DPY19L1: variants seen among roughly 807,000 people sequenced by gnomAD.
DPY19L1 encodes protein C-mannosyl-transferase DPY19L1.
DPY19L1 carries 35 observed loss-of-function variants against 96.9 expected under a neutral mutation model. The ratio of observed to expected loss-of-function variants is 0.36; its 90% CI spans 0.28 to 0.48. The LOEUF (loss-of-function observed/expected upper bound fraction) is 0.48. Ranked by LOEUF, DPY19L1 falls within the 20% of genes least tolerant of loss-of-function variation. The pLI is 0.99. For synonymous variants in DPY19L1, 205 were observed against 252.6 expected (o/e 0.81, Z 1.79); for missense variants, 521 against 777.9 (o/e 0.67, Z 3.93).
Position 35,032,938 on chromosome 7 carries a change from G to C in DPY19L1, c.298+4159C>G, listed in dbSNP as rs532166021. Among the ~76,000 whole-genome samples the C allele has an allele frequency of 7.9e-5, 12 of 152,168 alleles. No homozygotes were observed. In the South Asian group the frequency reaches 2.5e-3, roughly 32 times the overall value. Reference sequence around the variant, plus strand: ...CTTCATCTAGGCCAGCAACCCTCTTGCTAGGTCCGTGAACAGCCTCCTCAT... The same window carrying C: ...CTTCATCTAGGCCAGCAACCCTCTTCCTAGGTCCGTGAACAGCCTCCTCAT... On this transcript the variant is annotated intron_variant, in intron 1 of 21. Transcript: ENST00000638088.
intron 10 of DPY19L1, among the ~76,000 whole-genome samples, chr7:34,961,005 A>G (rs1305261374): frequency 6.6e-6 from 1 of 152,202 alleles, no homozygotes; most frequent in East Asian, 1.9e-4. Flanking sequence ...CAAAACTTCA[A>G]TGAAACTAAT....
Position 34,963,110 on chromosome 7 carries a change from G to A in DPY19L1, c.1092+3784C>T, listed in dbSNP as rs1330085126. 6.0e-5 allele frequency among the ~76,000 whole-genome samples: 9 copies of A among 149,002 alleles called. No homozygotes were observed. The South Asian group carries it at 8.5e-4, about 14-fold the overall frequency. On this transcript the variant is annotated intron_variant, in intron 10 of 21. Coordinates refer to ENST00000638088, the MANE Select transcript of DPY19L1 (RefSeq NM_001366673.1). ...CTCGGAAGGCTGAGGCAGGAGAATC[G>A]CTTGAACCCGGGAGGCGGAGGTTGC...
chr7:35,037,652 C>A (rs534644467), upstream of DPY19L1: 762 of 235,082 alleles, frequency 3.2e-3, 1 homozygote, highest in Admixed American at 6.6e-3. Context: ...GTTGTCACGG[C>A]GACCGCGGAA....
chr7:34,946,811 T>G (rs1335972645), intron 15 of DPY19L1, among the ~76,000 whole-genome samples: 1 of 152,222 alleles, frequency 6.6e-6, no homozygotes, highest in African/African-American at 2.4e-5. Context: ...TTCTGTATGT[T>G]AAAATGGAGA....
intron 16 of DPY19L1, among the ~76,000 whole-genome samples, chr7:34,944,512 A>ATT (rs1390977035): frequency 6.6e-6 from 1 of 152,164 alleles, no homozygotes; most frequent in African/African-American, 2.4e-5. Flanking sequence ...CACTCTTAAT[A>ATT]ATTACAGGAT....
intron 10 of DPY19L1, among the ~76,000 whole-genome samples, chr7:34,963,743 A>G (rs1455507453): frequency 6.6e-6 from 1 of 151,966 alleles, no homozygotes; most frequent in East Asian, 1.9e-4. Flanking sequence ...CACACCATGG[A>G]CTATTATTTA....
At chr7:34,996,681 T>A (rs930326901) in intron 6 of DPY19L1, among the ~76,000 whole-genome samples, 25 of 151,874 alleles carry the variant, frequency 1.6e-4, no homozygotes, top group Non-Finnish European at 2.2e-4. Context: ...CCAATCCCAC[T>A]CCATGCACAC....
At chr7:34,955,484 T>G in intron 11 of DPY19L1, 117 bp from the exon 12 acceptor site, 1 of 1,337,636 alleles carries the variant, frequency 7.5e-7, no homozygotes, top group Non-Finnish European at 1.0e-6. Flanking sequence ...AGCACATGGT[T>G]GACTTTCCAC....
intron 1 of DPY19L1, among the ~76,000 whole-genome samples, chr7:35,033,773 T>C (rs894400582): frequency 1.1e-4 from 17 of 152,016 alleles, no homozygotes; most frequent in African/African-American, 3.1e-4. Flanking sequence ...TTTCCTACCA[T>C]ATGGGCTTCA....
intron 21 of DPY19L1, among the ~76,000 whole-genome samples, chr7:34,933,190 T>C (rs531250882): frequency 6.6e-6 from 1 of 152,306 alleles, no homozygotes; most frequent in South Asian, 2.1e-4. Flanking sequence ...TGGTTTTTGG[T>C]TACACGGATA....
intron 1 of DPY19L1, among the ~76,000 whole-genome samples, chr7:35,030,530 C>T (rs1281747350): frequency 6.6e-6 from 1 of 152,102 alleles, no homozygotes; most frequent in East Asian, 1.9e-4. Flanking sequence ...ACAATTGCTG[C>T]TTTAATAAAG....
At chr7:34,952,424 A>G (rs1324131573) in intron 13 of DPY19L1, among the ~76,000 whole-genome samples, 4 of 152,222 alleles carry the variant, frequency 2.6e-5, no homozygotes, top group African/African-American at 9.6e-5. Context: ...AGAAAGCTCC[A>G]GGCCATGAGG....
chr7:34,948,488 G>T (rs2128783878), intron 14 of DPY19L1, among the ~76,000 whole-genome samples: 1 of 152,254 alleles, frequency 6.6e-6, no homozygotes, highest in South Asian at 2.1e-4. Flanking sequence ...CTACAGCACA[G>T]TCCCTATGAA....
rs751382348 is a variant in DPY19L1 at position 34,940,237 on chromosome 7, G to A, written c.1780C>T (p.Gln594Ter). ...TCCCCTACAATATTCCACTGGGTTT[G>A]CAGATTTGCTGAACCTTGTATTGAC... Reference protein sequence around the residue: ...AMSIQGSANLQTQWNIVGEFS... With the variant: ...AMSIQGSANL The change falls in exon 19 of 22, where the codon CAA becomes TAA. Residue 594 changes from glutamine to a stop codon, truncating the protein, a stop_gained. Coordinates refer to ENST00000638088, the MANE Select transcript of DPY19L1 (RefSeq NM_001366673.1). LOFTEE classifies it high-confidence loss of function. The A allele has an allele frequency of 6.2e-7, 1 of 1,611,148 alleles. No homozygotes were observed. The highest frequency in any genetic ancestry group is 8.5e-7 in the Non-Finnish European group (1 of 1,179,570).
At chr7:34,939,430 C>T in intron 19 of DPY19L1, 55 bp from the exon 20 acceptor site, 1 of 1,469,612 alleles carries the variant, frequency 6.8e-7, no homozygotes, top group Admixed American at 1.7e-5. Context: ...GAGAAGGTGT[C>T]TCCTTCAAGT....
chr7:34,986,947 T>A (rs369123149), intron 7 of DPY19L1, among the ~76,000 whole-genome samples: 1 of 152,040 alleles, frequency 6.6e-6, no homozygotes, highest in African/African-American at 2.4e-5. Context: ...TATGTGAACA[T>A]CTTTTACATA....
Position 35,037,368 on chromosome 7 carries a change from G to C in DPY19L1, c.27C>G (p.His9Gln), listed in dbSNP as rs1160112352. 1 of 353,908 alleles carries C rather than the reference G, an allele frequency of 2.8e-6. No individual in the cohort carries two copies. The highest frequency in any genetic ancestry group is 2.1e-5 in the African/African-American group (1 of 46,570). The allele number at this position is 353,908 out of a possible 1,614,324, so 21.9% of individuals were successfully genotyped here. Residue 9 changes from histidine to glutamine, a missense_variant, in exon 1 of 22, where the codon CAC becomes CAG. Coordinates refer to ENST00000638088, the MANE Select transcript of DPY19L1 (RefSeq NM_001366673.1). ...GGGGCGGCTTGGGAGCCGCCTCCCG[G>C]TGCTTGTTCCGCGCCTGCAGGACCA... is the stretch of plus-strand genomic sequence containing the variant. MVLQARNK[H>Q]REAAPKPPQP...
At chr7:34,935,854 C>G (rs552762840) in intron 21 of DPY19L1, among the ~76,000 whole-genome samples, 1 of 152,258 alleles carries the variant, frequency 6.6e-6, no homozygotes, top group African/African-American at 2.4e-5. Context: ...TCTGAACTCC[C>G]CATTTGCTTC....
intron 13 of DPY19L1, among the ~76,000 whole-genome samples, chr7:34,953,043 A>G (rs1784301739): frequency 1.3e-5 from 2 of 152,232 alleles, no homozygotes; most frequent in Admixed American, 6.5e-5. Context: ...GTGGCTACTC[A>G]TAAAAAGAAC....
Sources: allele counts gnomAD v4.1 joint callset (sites outside exome capture counted in the v4.1 genomes callset), GRCh38; gene constraint gnomAD v4.1.1; transcripts MANE v1.5; gene names NCBI Gene and HGNC (gene_info 2026-07-23, HGNC 2026-07-21).